LRRC4C: variants seen among roughly 807,000 people sequenced by gnomAD.
LRRC4C encodes the protein leucine-rich repeat-containing protein 4C.
A neutral mutation model predicts 33.6 loss-of-function variants in LRRC4C; 5 were observed. The ratio of observed to expected loss-of-function variants is 0.15; its 90% CI spans 0.08 to 0.31. The LOEUF (loss-of-function observed/expected upper bound fraction) is 0.31, where lower values mean the gene tolerates loss of function less well. Ranked by LOEUF, LRRC4C falls within the 10% of genes least tolerant of loss-of-function variation. LRRC4C has a pLI of 1.00. For missense variants in LRRC4C, 560 were observed against 796.7 expected (o/e 0.70, Z 3.58); for synonymous variants, 329 against 302.0 (o/e 1.09, Z -0.93).
At chr11:41,258,023 C>T (rs753926679) in intron 1 of LRRC4C, among the ~76,000 whole-genome samples, 6 of 151,508 alleles carry the variant, frequency 4.0e-5, no homozygotes, top group Non-Finnish European at 7.4e-5. Context: ...AGCTAGGTAA[C>T]GATATATAAT....
At chr11:40,190,125 G>A (rs1321674574) in intron 5 of LRRC4C, among the ~76,000 whole-genome samples, 1 of 152,172 alleles carries the variant, frequency 6.6e-6, no homozygotes, top group African/African-American at 2.4e-5. Context: ...AACCCCATGA[G>A]GATGGCAGAG....
chr11:41,267,959 C>T (rs1298555781), intron 1 of LRRC4C, among the ~76,000 whole-genome samples: 1 of 152,014 alleles, frequency 6.6e-6, no homozygotes, highest in Non-Finnish European at 1.5e-5. Context: ...ACTTTGAGTA[C>T]CCTGCTTACC....
At chr11:40,475,661 T>G (rs1184542136) in intron 3 of LRRC4C, among the ~76,000 whole-genome samples, 1 of 152,136 alleles carries the variant, frequency 6.6e-6, no homozygotes, top group East Asian at 1.9e-4. Flanking sequence ...GCGCTACTAA[T>G]GGGGTGGGAT....
At chr11:40,676,092 C>A (rs540548884) in intron 2 of LRRC4C, among the ~76,000 whole-genome samples, 1 of 152,264 alleles carries the variant, frequency 6.6e-6, no homozygotes, top group African/African-American at 2.4e-5. Context: ...CAACATATAT[C>A]TTATAGAGAC....
chr11:40,352,116 TTCCTTC>T (rs1247136092), intron 3 of LRRC4C, among the ~76,000 whole-genome samples: 24,586 of 66,724 alleles, frequency 0.37, 2,715 homozygotes, highest in Admixed American at 0.43. Flanking sequence ...TCTTTCTTCC[TTCCTTC>T]CTTCCTTCCT....
intron 5 of LRRC4C, among the ~76,000 whole-genome samples, chr11:40,219,822 A>C (rs1460638715): frequency 6.6e-6 from 1 of 152,182 alleles, no homozygotes; most frequent in African/African-American, 2.4e-5. Flanking sequence ...AAGCTACAAC[A>C]TGAGAACTAA....
intron 1 of LRRC4C, among the ~76,000 whole-genome samples, chr11:41,057,838 T>C: frequency 6.6e-6 from 1 of 152,134 alleles, no homozygotes; most frequent in East Asian, 1.9e-4. Context: ...GCTCTGCTGA[T>C]AGCTGAACAT....
At chr11:40,530,120 G>A (rs2135301993) in intron 3 of LRRC4C, among the ~76,000 whole-genome samples, 1 of 151,992 alleles carries the variant, frequency 6.6e-6, no homozygotes, top group South Asian at 2.1e-4. Context: ...TTGAGAGTAG[G>A]CATATTAAAA....
At chr11:40,134,888 A>G (rs1856866542) in intron 6 of LRRC4C, among the ~76,000 whole-genome samples, 2 of 152,194 alleles carry the variant, frequency 1.3e-5, no homozygotes, top group Admixed American at 1.3e-4. Context: ...TCCAGTTTTC[A>G]GCATGACTTA....
intron 1 of LRRC4C, among the ~76,000 whole-genome samples, chr11:41,165,162 G>A (rs10837592): frequency 0.19 from 29,115 of 151,846 alleles, 3,279 homozygotes; most frequent in East Asian, 0.37. Context: ...CTCCACAATC[G>A]CGATGGCCCC....
At chr11:40,568,050 C>T (rs973921801) in intron 3 of LRRC4C, among the ~76,000 whole-genome samples, 3 of 152,290 alleles carry the variant, frequency 2.0e-5, no homozygotes, top group Non-Finnish European at 4.4e-5. Flanking sequence ...GTAAAATCCC[C>T]GCCCCTTCAG....
intron 1 of LRRC4C, among the ~76,000 whole-genome samples, chr11:41,450,440 G>C (rs1215258905): frequency 1.3e-5 from 2 of 152,190 alleles, no homozygotes; most frequent in Non-Finnish European, 2.9e-5. Flanking sequence ...AAAAGTAACT[G>C]TTTCTGGCTT....
rs111562123 is a variant in LRRC4C, at chr11:40,121,043, A to T, written c.-42-4709T>A. Among the ~76,000 whole-genome samples, 235 of 152,328 alleles carry T rather than the reference A, an allele frequency of 1.5e-3. 2 individuals carry two copies. The highest frequency in any genetic ancestry group is 5.5e-3 in the African/African-American group (228 of 41,578). ...AATATATAATAAATATTTAATGCAT[A>T]TTAAAAATAAAGTGATGAGACACTC... On this transcript the variant is annotated intron_variant, in intron 6 of 6. Transcript: ENST00000528697.
intron 2 of LRRC4C, among the ~76,000 whole-genome samples, chr11:40,750,650 T>C (rs1591625124): frequency 1.0e-5 from 1 of 98,196 alleles, no homozygotes; most frequent in East Asian, 3.4e-4. Context: ...ATCGGGACTG[T>C]TGTGGGGTGG....
At chr11:40,167,054 G>A (rs1012055002) in intron 5 of LRRC4C, among the ~76,000 whole-genome samples, 4 of 152,042 alleles carry the variant, frequency 2.6e-5, no homozygotes, top group African/African-American at 7.2e-5. Context: ...AGGGAATCCC[G>A]GAGTACAATT....
chr11:40,577,971 A>T (rs1260766949), intron 3 of LRRC4C, among the ~76,000 whole-genome samples: 1 of 150,188 alleles, frequency 6.7e-6, no homozygotes, highest in Non-Finnish European at 1.5e-5. Flanking sequence ...AGTAGCTGGG[A>T]CTACAGGTAC....
chr11:40,792,272 A>G (rs1445771791), intron 2 of LRRC4C, among the ~76,000 whole-genome samples: 3 of 152,284 alleles, frequency 2.0e-5, no homozygotes, highest in African/African-American at 2.4e-5. Flanking sequence ...AATGAACAAA[A>G]TCAATATTTT....
At chr11:40,578,124 T>G in intron 3 of LRRC4C, among the ~76,000 whole-genome samples, 1 of 143,742 alleles carries the variant, frequency 7.0e-6, no homozygotes, top group Non-Finnish European at 1.5e-5. Context: ...GTGATATTAT[T>G]GGACTTTTTT....
chr11:41,290,328 G>C (rs1949955036), intron 1 of LRRC4C, among the ~76,000 whole-genome samples: 1 of 152,122 alleles, frequency 6.6e-6, no homozygotes, highest in South Asian at 2.1e-4. Context: ...TGTGGTGCAG[G>C]TATCATGCAA....
Sources: allele counts gnomAD v4.1 joint callset (sites outside exome capture counted in the v4.1 genomes callset), GRCh38; gene constraint gnomAD v4.1.1; transcripts MANE v1.5; gene names NCBI Gene and HGNC (gene_info 2026-07-23, HGNC 2026-07-21).